MAP3K4: variants seen among roughly 807,000 people sequenced by gnomAD.
The protein encoded by MAP3K4 is mitogen-activated protein kinase kinase kinase 4.
A neutral mutation model predicts 185.6 loss-of-function variants in MAP3K4; 67 were observed. That is an observed-to-expected ratio of 0.36 (90% CI 0.30 to 0.44). The LOEUF (loss-of-function observed/expected upper bound fraction) is 0.44. Ranked by LOEUF, MAP3K4 falls within the 20% of genes least tolerant of loss-of-function variation. The pLI is 1.00. For synonymous variants in MAP3K4, 702 were observed against 710.4 expected (o/e 0.99, Z 0.19); for missense variants, 1,551 against 1,995.1 (o/e 0.78, Z 4.24).
chr6:161,106,649 T>C lies in MAP3K4; in HGVS notation c.3992T>C (p.Val1331Ala), dbSNP rs1253252695. Residue 1331 changes from valine (V) to alanine (A), a missense_variant, in exon 20 of 27, where the codon GTT becomes GCT. Transcript: ENST00000392142. This position sits in a 1 kb window ranked among gnomAD's most constrained non-coding sequence, Gnocchi z 4.9. The stretch of plus-strand genomic sequence containing the variant: ...GATACGCCTAAGTCCTATGATAATG[T>C]TATGCACGTTGGCTTGAGGAAGGTG... The part of the protein sequence containing the change: ...VCDTPKSYDN[V>A]MHVGLRKVTF... 6.2e-7 allele frequency: 1 copy of C among 1,613,314 alleles called. No homozygotes were observed. Among genetic ancestry groups the C allele is most frequent in the Non-Finnish European group, 8.5e-7 (1 of 1,179,736 alleles).
rs1264301877 is a variant in MAP3K4 at position 161,087,493 on chromosome 6, C to G, written c.2557-195C>G. Among the ~76,000 whole-genome samples the G allele has an allele frequency of 6.6e-6, 1 of 152,136 alleles. No homozygotes were observed. The highest frequency in any genetic ancestry group is 1.5e-5 in the Non-Finnish European group (1 of 68,016). Reference sequence around the variant, plus strand: ...ACTCTGTAAGGCCTCTCCTCCAGTGCGTTCACAGACTCTCCTCCTCCTGCC... The same window carrying G: ...ACTCTGTAAGGCCTCTCCTCCAGTGGGTTCACAGACTCTCCTCCTCCTGCC... On this transcript the variant is annotated intron_variant, in intron 9 of 26. Coordinates refer to ENST00000392142, the MANE Select transcript of MAP3K4 (RefSeq NM_005922.4). The surrounding 1 kb of genome is among the most constrained non-coding windows in gnomAD (Gnocchi z 4.9).
At chr6:161,029,349 T>G (rs1318724137) in intron 1 of MAP3K4, among the ~76,000 whole-genome samples, 1 of 152,182 alleles carries the variant, frequency 6.6e-6, no homozygotes, top group Non-Finnish European at 1.5e-5. Context: ...TCAGGCACCA[T>G]TGTGGTTTAC....
intron 1 of MAP3K4, among the ~76,000 whole-genome samples, chr6:161,009,412 C>A (rs911862260): frequency 6.6e-6 from 1 of 152,146 alleles, no homozygotes; most frequent in Non-Finnish European, 1.5e-5. Flanking sequence ...ATAACAACTC[C>A]CCATCTACCC....
rs749062018 is a variant in MAP3K4, at chr6:161,106,620, T to G, written c.3963T>G (p.Val1321=). 3 of 1,613,732 alleles carry G rather than the reference T, an allele frequency of 1.9e-6. No individual in the cohort carries two copies. The highest frequency in any genetic ancestry group is 2.7e-5 in the African/African-American group (2 of 74,858). The change falls in exon 20 of 27, where the codon GTT becomes GTG. Residue 1321 remains valine, a synonymous_variant. Transcript: ENST00000392142. This position sits in a 1 kb window ranked among gnomAD's most constrained non-coding sequence, Gnocchi z 4.9. ...EMRRKNIIGQ[V]CDTPKSYDNV... is the part of the protein sequence containing the mutation. The stretch of plus-strand genomic sequence containing the variant: ...GGAGAAAGAATATCATTGGTCAAGT[T>G]TGTGATACGCCTAAGTCCTATGATA...
At chr6:161,011,921 C>G (rs1292599979) in intron 1 of MAP3K4, among the ~76,000 whole-genome samples, 1 of 152,190 alleles carries the variant, frequency 6.6e-6, no homozygotes, top group Admixed American at 6.5e-5. Context: ...AGTGCTGGGG[C>G]ATGGGGCCCC....
At position 161,056,760 on chromosome 6, in the gene MAP3K4, C is replaced by G. The variant is rs1415528754; in HGVS notation, c.1707+6781C>G. Among the ~76,000 whole-genome samples the G allele has an allele frequency of 2.6e-5, 4 of 152,148 alleles. No homozygotes were observed. Among genetic ancestry groups the G allele is most frequent in the African/African-American group, 4.8e-5 (2 of 41,452 alleles). On this transcript the variant is annotated intron_variant, in intron 3 of 26. Coordinates refer to ENST00000392142, the MANE Select transcript of MAP3K4 (RefSeq NM_005922.4). The surrounding 1 kb of genome is among the most constrained non-coding windows in gnomAD (Gnocchi z 5.4). Reference sequence around the variant, plus strand: ...CTTAGGTCAGCACCTTTTTCCTTCACCTTCCTCAGTGAGGTGGTATCATAC... The same window carrying G: ...CTTAGGTCAGCACCTTTTTCCTTCAGCTTCCTCAGTGAGGTGGTATCATAC...
intron 4 of MAP3K4, among the ~76,000 whole-genome samples, chr6:161,072,626 T>C (rs1331679464): frequency 6.6e-6 from 1 of 152,242 alleles, no homozygotes; most frequent in South Asian, 2.1e-4. Context: ...TAATAGTATA[T>C]AGATGAGTCA....
At chr6:161,016,636 A>G (rs901869156) in intron 1 of MAP3K4, among the ~76,000 whole-genome samples, 2 of 152,152 alleles carry the variant, frequency 1.3e-5, no homozygotes, top group Non-Finnish European at 2.9e-5. Context: ...CCAGTTGAAA[A>G]TCCATTGACC....
At chr6:161,004,347 C>T (rs1257773144) in intron 1 of MAP3K4, among the ~76,000 whole-genome samples, 3 of 152,176 alleles carry the variant, frequency 2.0e-5, no homozygotes, top group African/African-American at 7.2e-5. Context: ...TGACAATTTT[C>T]TGTTAACTTC....
At position 161,101,074 on chromosome 6, in the gene MAP3K4, T is replaced by C. The variant is rs1777821130; in HGVS notation, c.3675-818T>C. 1 of 152,238 alleles carries C rather than the reference T, an allele frequency of 6.6e-6. No individual in the cohort carries two copies. The highest frequency in any genetic ancestry group is 1.9e-4 in the East Asian group (1 of 5,202). The allele number at this position is 152,238 out of a possible 1,614,324, so 9.4% of individuals were successfully genotyped here. On this transcript the variant is annotated intron_variant, in intron 17 of 26. Coordinates refer to ENST00000392142, the MANE Select transcript of MAP3K4 (RefSeq NM_005922.4). The surrounding 1 kb of genome is among the most constrained non-coding windows in gnomAD (Gnocchi z 5.1). The stretch of plus-strand genomic sequence containing the variant: ...TCATTATACCATTCACTTAAAAATA[T>C]ATACTAAATGACTTTAATAAACTAA...
In MAP3K4 at chr6:161,075,710, A is replaced by G. The variant is rs1311722130; in HGVS notation, c.2097+2098A>G. Among the ~76,000 whole-genome samples, 2 of 152,170 alleles carry G rather than the reference A, an allele frequency of 1.3e-5. No individual in the cohort carries two copies. The highest frequency in any genetic ancestry group is 2.9e-5 in the Non-Finnish European group (2 of 68,032). ...TCTGTGCCATTGGTGAGCCTGTGTG[A>G]TAGTGGAAGTCTAGGCTAAGTGACT... is the stretch of plus-strand genomic sequence containing the variant. On this transcript the variant is annotated intron_variant, in intron 5 of 26. Transcript: ENST00000392142. The surrounding 1 kb of genome is among the most constrained non-coding windows in gnomAD (Gnocchi z 4.3).
chr6:161,091,471 A>C lies in MAP3K4; in HGVS notation c.3066A>C (p.Glu1022Asp). ...CAGAATTTGATGCTGAGGTTGATGA[A>C]TCTGAATCTGTCACCTTGCAACAGT... ...FTSEFDAEVDESESVTLQQYY... is the reference protein window; with the variant it reads ...FTSEFDAEVDDSESVTLQQYY... Residue 1022 changes from glutamate to aspartate, a missense_variant, in exon 12 of 27, where the codon GAA becomes GAC. By Grantham distance (45) the Glu-to-Asp change is conservative. Around this residue, in one of 16 missense-constraint regions of MAP3K4, gnomAD observed 261 missense variants for 306.5 expected, o/e 0.85. Transcript: ENST00000392142. The surrounding 1 kb of genome is among the most constrained non-coding windows in gnomAD (Gnocchi z 5.5). The C allele has an allele frequency of 6.2e-7, 1 of 1,614,136 alleles. No homozygotes were observed. Among genetic ancestry groups the C allele is most frequent in the Non-Finnish European group, 8.5e-7 (1 of 1,179,990 alleles).
At position 161,107,048 on chromosome 6, in the gene MAP3K4, G is replaced by GCA. The variant is rs1168768049; in HGVS notation, c.4048+344_4048+345insAC. 0.072 allele frequency among the ~76,000 whole-genome samples: 10,184 copies of GCA among 141,032 alleles called. 449 individuals carry two copies. Among genetic ancestry groups the GCA allele is most frequent in the African/African-American group, 0.12 (4,795 of 39,298 alleles). The allele number at this position is 141,032 out of a possible 152,430, so 92.5% of individuals were successfully genotyped here. A position where few individuals can be genotyped will look rare whatever the true frequency, so the allele number is the denominator to read the frequency against. ...TCTCTCTCTCTCTCTACACACGCGCGCGCACACACACACACACACACACAC... is the reference window on the plus strand; with the variant it reads ...TCTCTCTCTCTCTCTACACACGCGCGCACGCACACACACACACACACACACAC... On this transcript the variant is annotated intron_variant, in intron 20 of 26. Transcript: ENST00000392142. The surrounding 1 kb of genome is among the most constrained non-coding windows in gnomAD (Gnocchi z 6.2).
chr6:161,094,507 G>A (rs917088278), intron 15 of MAP3K4, among the ~76,000 whole-genome samples: 14 of 152,072 alleles, frequency 9.2e-5, no homozygotes, highest in Admixed American at 7.9e-4. Context: ...GTCTTATGCC[G>A]TTCTTGAGAT....
rs1263705740 is a variant in MAP3K4 at position 161,067,286 on chromosome 6, G to T, written c.1708-3322G>T. The T allele has an allele frequency of 2.3e-6, 1 of 438,004 alleles. No homozygotes were observed. The highest frequency in any genetic ancestry group is 2.0e-5 in the African/African-American group (1 of 49,418). The allele number at this position is 438,004 out of a possible 1,614,324, so 27.1% of individuals were successfully genotyped here. ...ACAACTCGAAGCAGGGATGGGGCTTGCAGGTCACAGGTAGGTAAGAGACAA... is the reference window on the plus strand; with the variant it reads ...ACAACTCGAAGCAGGGATGGGGCTTTCAGGTCACAGGTAGGTAAGAGACAA... On this transcript the variant is annotated intron_variant, in intron 3 of 26. Coordinates refer to ENST00000392142, the MANE Select transcript of MAP3K4 (RefSeq NM_005922.4). This position sits in a 1 kb window ranked among gnomAD's most constrained non-coding sequence, Gnocchi z 6.3.
In MAP3K4 at chr6:161,071,152, T is replaced by G. The variant is rs1038117299; in HGVS notation, c.1950+302T>G. ...CATTCATAAGAGGTAGAGTATAAGA[T>G]TCTTAAATTTATTTATTTTTTCTAT... On this transcript the variant is annotated intron_variant, in intron 4 of 26. Transcript: ENST00000392142. The surrounding 1 kb of genome is among the most constrained non-coding windows in gnomAD (Gnocchi z 4.6). Among the ~76,000 whole-genome samples the G allele has an allele frequency of 6.6e-6, 1 of 152,178 alleles. No individual in the cohort carries two copies. Among genetic ancestry groups the G allele is most frequent in the Non-Finnish European group, 1.5e-5 (1 of 68,034 alleles).
chr6:161,080,752 G>T lies in MAP3K4; in HGVS notation c.2098-129G>T. The T allele has an allele frequency of 1.4e-6, 1 of 712,116 alleles. No individual in the cohort carries two copies. Among genetic ancestry groups the T allele is most frequent in the East Asian group, 2.8e-5 (1 of 36,188 alleles). The allele number at this position is 712,116 out of a possible 1,614,324, so 44.1% of individuals were successfully genotyped here. A position where few individuals can be genotyped will look rare whatever the true frequency, so the allele number is the denominator to read the frequency against. On this transcript the variant is annotated intron_variant, in intron 5 of 26. Coordinates refer to ENST00000392142, the MANE Select transcript of MAP3K4 (RefSeq NM_005922.4). The surrounding 1 kb of genome is among the most constrained non-coding windows in gnomAD (Gnocchi z 4.8). ...CAGTGGTGAGAACCTTGCTTCTGTC[G>T]GTGCTGCGTGCCTGTGACAGCCCCC...
chr6:161,068,499 C>T (rs9346847), intron 3 of MAP3K4, among the ~76,000 whole-genome samples: 1 of 152,152 alleles, frequency 6.6e-6, no homozygotes, highest in African/African-American at 2.4e-5. Context: ...ATGCAGAGAC[C>T]TGGCCATTAG....
Position 161,070,941 on chromosome 6 carries a change from T to A in MAP3K4, c.1950+91T>A. 1 of 1,201,102 alleles carries A rather than the reference T, an allele frequency of 8.3e-7. No individual in the cohort carries two copies. The highest frequency in any genetic ancestry group is 1.1e-6 in the Non-Finnish European group (1 of 887,904). The allele number at this position is 1,201,102 out of a possible 1,614,324, so 74.4% of individuals were successfully genotyped here. A position where few individuals can be genotyped will look rare whatever the true frequency, so the allele number is the denominator to read the frequency against. On this transcript the variant is annotated intron_variant, in intron 4 of 26. Transcript: ENST00000392142. The surrounding 1 kb of genome is among the most constrained non-coding windows in gnomAD (Gnocchi z 4.5). ...TATTTTGAGAGTTCCTTTTTTTTTC[T>A]TAATTGTCGCAAATAGTGAAAAATG... is the stretch of plus-strand genomic sequence containing the variant.
Sources: gnomAD v4.1 joint callset for allele counts (sites outside exome capture counted in the v4.1 genomes callset) on GRCh38, gnomAD v4.1.1 for gene constraint, gnomAD v4.1.1 regional missense constraint, Gnocchi (gnomAD v3.1) non-coding constraint, MANE v1.5 for transcripts, NCBI Gene and HGNC (gene_info 2026-07-23, HGNC 2026-07-21) for gene names.